The following MUL1 variants were observed in gnomAD, a reference collection of about 807,000 sequenced individuals.
MUL1 encodes mitochondrial E3 ubiquitin protein ligase 1.
In MUL1, 30 loss-of-function variants were observed where a neutral mutation model predicts 34.1. The ratio of observed to expected loss-of-function variants is 0.88; its 90% confidence interval spans 0.66 to 1.19. The LOEUF (loss-of-function observed/expected upper bound fraction) is 1.19, where lower values mean the gene tolerates loss of function less well. MUL1 is among the 50% of genes most tolerant of loss of function. MUL1 has a pLI of 0.00. For missense variants in MUL1, 419 were observed against 450.5 expected (o/e 0.93, Z 0.63); for synonymous variants, 191 against 187.8 (o/e 1.02, Z -0.14).
rs1250955725 is a variant in MUL1 at position 20,500,708 on chromosome 1, T to A, written c.1041A>T (p.Ile347=). The change falls in exon 4 of 4, where the codon ATA becomes ATT. Residue 347 remains isoleucine (I), a synonymous_variant. Transcript: ENST00000264198. ...PICRQAITRV[I]PLYNS is the part of the protein sequence containing the mutation. Reference sequence around the variant, plus strand: ...CAAACTATTAGCTGTTGTACAGGGGTATCACCCGGGTGATCGCCTGTCTGC... The same window carrying A: ...CAAACTATTAGCTGTTGTACAGGGGAATCACCCGGGTGATCGCCTGTCTGC... 2 of 1,586,956 alleles carry A rather than the reference T, an allele frequency of 1.3e-6. No individual in the cohort carries two copies. The highest frequency in any genetic ancestry group is 1.2e-5 in the South Asian group (1 of 86,108).
chr1:20,503,072 C>G, intron 2 of MUL1, 150 bp downstream of exon 2: 2 of 499,878 alleles, frequency 4.0e-6, no homozygotes, highest in South Asian at 6.9e-5. Flanking sequence ...TTAGCGATCA[C>G]AAAGCAATAA....
Position 20,508,039 on chromosome 1 carries a change from C to G in MUL1, c.-15G>C. The G allele has an allele frequency of 6.3e-7, 1 of 1,577,386 alleles. No homozygotes were observed. Among genetic ancestry groups the G allele is most frequent in the East Asian group, 2.3e-5 (1 of 43,744 alleles). ...CCGCTCTCCATGACGGCGGCGAGCC[C>G]CGGTGGCCGACTGTGGCGCCAAGGA... On this transcript the variant is annotated 5_prime_UTR_variant, in exon 1 of 4. Transcript: ENST00000264198.
intron 1 of MUL1, 113 bp from the exon 2 acceptor site, chr1:20,503,422 G>T (rs1038698792): frequency 1.4e-5 from 9 of 620,770 alleles, no homozygotes; most frequent in African/African-American, 7.5e-5. Flanking sequence ...AAGAGAATAT[G>T]GAAATTGGAC....
Position 20,508,098 on chromosome 1 carries a change from C to G in MUL1, c.-74G>C, listed in dbSNP as rs1290453546. On this transcript the variant is annotated 5_prime_UTR_variant, in exon 1 of 4. Coordinates refer to ENST00000264198, the MANE Select transcript of MUL1 (RefSeq NM_024544.3). ...GTGACCCCCGACTCTCCACCTCCTT[C>G]CGACCAGGACCGCACCCCCCCGGCC... 1.8e-5 allele frequency: 28 copies of G among 1,525,706 alleles called. No homozygotes were observed. The highest frequency in any genetic ancestry group is 2.3e-4 in the Middle Eastern group (1 of 4,312). 94.5% of individuals were successfully genotyped at this position (1,525,706 alleles called of 1,614,324 possible).
chr1:20,507,365 G>A (rs1411913462), intron 1 of MUL1, among the ~76,000 whole-genome samples: 3 of 152,222 alleles, frequency 2.0e-5, no homozygotes, highest in East Asian at 1.9e-4. Flanking sequence ...ATGGATGTCT[G>A]CACTTGCTGT....
rs1244529041 is a variant in MUL1 at position 20,502,162 on chromosome 1, A to G, written c.236T>C (p.Leu79Pro). Residue 79 changes from leucine to proline, a missense_variant, in exon 3 of 4, where the codon CTT (leucine) becomes CCT (proline). Transcript: ENST00000264198. ...EGAVRSVKET[L>P]NSQFVENCKG... ...GCAGTTTTCCACAAACTGGCTGTTAAGCGTTTCTTTAACAGACCGCACAGC... is the reference window on the plus strand; with the variant it reads ...GCAGTTTTCCACAAACTGGCTGTTAGGCGTTTCTTTAACAGACCGCACAGC... 4 of 1,614,160 alleles carry G rather than the reference A, an allele frequency of 2.5e-6. No homozygotes were observed.
chr1:20,502,310 A>ATT, intron 2 of MUL1, 121 bp from the exon 3 acceptor site: 3 of 1,364,782 alleles, frequency 2.2e-6, no homozygotes, highest in Non-Finnish European at 3.0e-6. Context: ...ACACTTTGGG[A>ATT]AGCCAAGTCA....
rs371173943 is a variant in MUL1 at position 20,501,426 on chromosome 1, G to C, written c.330-7C>G. Reference sequence around the variant, plus strand: ...GATCTTTGAGCAATCATTCCTAGAAGAATAAGAGAACTAAAGATACAGGGT... The same window carrying C: ...GATCTTTGAGCAATCATTCCTAGAACAATAAGAGAACTAAAGATACAGGGT... On this transcript the variant is annotated splice_polypyrimidine_tract_variant and splice_region_variant and intron_variant, in intron 3 of 3. Coordinates refer to ENST00000264198, the MANE Select transcript of MUL1 (RefSeq NM_024544.3). The surrounding 1 kb of genome is among the most constrained non-coding windows in gnomAD (Gnocchi z 4.2). The C allele has an allele frequency of 9.3e-6, 15 of 1,606,988 alleles. No individual in the cohort carries two copies. The African/African-American group carries it at 1.7e-4, about 19-fold the overall frequency.
Position 20,508,147 on chromosome 1 carries a change from C to T in MUL1, c.-123G>A. On this transcript the variant is annotated 5_prime_UTR_variant, in exon 1 of 4. Coordinates refer to ENST00000264198, the MANE Select transcript of MUL1 (RefSeq NM_024544.3). ...CCTAACCTGACCGGAAACTCGAAAT[C>T]AGTCGCCCAGCGATGACGCACGACG... 2 of 1,392,540 alleles carry T rather than the reference C, an allele frequency of 1.4e-6. No homozygotes were observed. Among genetic ancestry groups the T allele is most frequent in the East Asian group, 5.0e-5 (2 of 39,714 alleles). The allele number at this position is 1,392,540 out of a possible 1,614,324, so 86.3% of individuals were successfully genotyped here.
intron 1 of MUL1, among the ~76,000 whole-genome samples, chr1:20,504,969 C>A (rs1171859312): frequency 6.6e-6 from 1 of 152,126 alleles, no homozygotes. Context: ...GTATCCACCA[C>A]AGGATGGCCA....
At chr1:20,505,582 C>CAAA (rs11338654) in intron 1 of MUL1, among the ~76,000 whole-genome samples, 508 of 56,450 alleles carry the variant, frequency 9.0e-3, no homozygotes, top group Middle Eastern at 0.013. Context: ...GACCATGTCT[C>CAAA]AAAAAAAAAA....
Position 20,500,646 on chromosome 1 carries a change from G to C in MUL1, c.*44C>G, listed in dbSNP as rs547862501. 1.3e-6 allele frequency: 2 copies of C among 1,513,502 alleles called. No homozygotes were observed. The highest frequency in any genetic ancestry group is 2.7e-5 in the South Asian group (2 of 75,092). 93.8% of individuals were successfully genotyped at this position (1,513,502 alleles called of 1,614,324 possible). Reference sequence around the variant, plus strand: ...CCTCGAGATAAAAATCCCTGAAAAGGGGGCAGGGGTGCTTCCAGGTCAAGC... The same window carrying C: ...CCTCGAGATAAAAATCCCTGAAAAGCGGGCAGGGGTGCTTCCAGGTCAAGC... On this transcript the variant is annotated 3_prime_UTR_variant, in exon 4 of 4. Coordinates refer to ENST00000264198, the MANE Select transcript of MUL1 (RefSeq NM_024544.3).
intron 1 of MUL1, among the ~76,000 whole-genome samples, chr1:20,505,193 C>T (rs1213377903): frequency 6.6e-6 from 1 of 152,148 alleles, no homozygotes; most frequent in Admixed American, 6.5e-5. Context: ...GGGGCTGGCA[C>T]ATAGGAGGCA....
Position 20,502,078 on chromosome 1 carries a change from G to A in MUL1, c.320C>T (p.Thr107Ile). 4 of 1,613,684 alleles carry A rather than the reference G, an allele frequency of 2.5e-6. No homozygotes were observed. In the South Asian group the frequency reaches 4.4e-5, roughly 18 times the overall value. ...GAGAAGTGATACATACCAAAGGTGG[G>A]TGGTTCGATTCCACACCATCTTGTG... is the stretch of plus-strand genomic sequence containing the variant. ...QEHKMVWNRTTHLWNDCSKII... is the reference protein window; with the variant it reads ...QEHKMVWNRTIHLWNDCSKII... Residue 107 changes from threonine to isoleucine, a missense_variant, in exon 3 of 4, where the codon ACC (threonine) becomes ATC (isoleucine). By Grantham distance (89) the Thr-to-Ile change is moderately conservative. Coordinates refer to ENST00000264198, the MANE Select transcript of MUL1 (RefSeq NM_024544.3).
intron 1 of MUL1, among the ~76,000 whole-genome samples, chr1:20,506,675 C>A (rs1219495516): frequency 6.6e-6 from 1 of 151,474 alleles, no homozygotes; most frequent in Non-Finnish European, 1.5e-5. Flanking sequence ...CATGGCAAAA[C>A]CCCATCTCTA....
At chr1:20,503,084 C>G (rs534948835) in intron 2 of MUL1, 138 bp downstream of exon 2, 1 of 545,632 alleles carries the variant, frequency 1.8e-6, no homozygotes, top group East Asian at 3.3e-5. Context: ...AAGCAATAAC[C>G]CATGTCTTTC....
rs573206089 is a variant in MUL1 at position 20,499,723 on chromosome 1, C to A, written c.*967G>T. ...GAGGGGGTAACACAAGGAGAAGCGA[C>A]ATGAGTACACCAAGATGTCAAAGCT... On this transcript the variant is annotated 3_prime_UTR_variant, in exon 4 of 4. Transcript: ENST00000264198. 1.3e-5 allele frequency: 2 copies of A among 152,206 alleles called. No homozygotes were observed. The highest frequency in any genetic ancestry group is 6.5e-5 in the Admixed American group (1 of 15,296). The allele number at this position is 152,206 out of a possible 1,614,324, so 9.4% of individuals were successfully genotyped here.
Position 20,500,459 on chromosome 1 carries a change from C to T in MUL1, c.*231G>A, listed in dbSNP as rs2051642505. On this transcript the variant is annotated 3_prime_UTR_variant, in exon 4 of 4. Transcript: ENST00000264198. The stretch of plus-strand genomic sequence containing the variant: ...GGGAGGAGACGCCACGGCATCCTCC[C>T]AGGGTGAGGCTCTGATGAGGCTGCA... The T allele has an allele frequency of 4.1e-6, 2 of 493,064 alleles. No homozygotes were observed. Among genetic ancestry groups the T allele is most frequent in the South Asian group, 4.1e-5 (1 of 24,632 alleles). 30.5% of individuals were successfully genotyped at this position (493,064 alleles called of 1,614,324 possible).
At chr1:20,502,545 T>A (rs1467447464) in intron 2 of MUL1, among the ~76,000 whole-genome samples, 1 of 152,140 alleles carries the variant, frequency 6.6e-6, no homozygotes, top group Non-Finnish European at 1.5e-5. Context: ...GAGCCAAGAC[T>A]CTATTTGAGA....
Sources: allele counts gnomAD v4.1 joint callset (sites outside exome capture counted in the v4.1 genomes callset), GRCh38; gene constraint gnomAD v4.1.1; non-coding constraint Gnocchi (gnomAD v3.1); transcripts MANE v1.5; gene names NCBI Gene and HGNC (gene_info 2026-07-23, HGNC 2026-07-21).